Variants in PTPRD observed in about 807,000 individuals in gnomAD.
PTPRD encodes receptor-type tyrosine-protein phosphatase delta.
PTPRD carries 34 observed loss-of-function variants against 214.5 expected under a neutral mutation model. That is an observed-to-expected ratio of 0.16 (90% confidence interval 0.12 to 0.21). PTPRD has a LOEUF of 0.21. Ranked by LOEUF, PTPRD falls within the 10% of genes least tolerant of loss-of-function variation. The pLI is 1.00. For missense variants in PTPRD, 2,545 were observed against 2,398.7 expected, an observed-to-expected ratio of 1.06 and a Z score of -1.27; for synonymous variants, 1,128 against 845.7, an observed-to-expected ratio of 1.33 and a Z score of -5.79.
chr9:8,603,263 G>T (rs1178245137), intron 14 of PTPRD, among the ~76,000 whole-genome samples: 1 of 150,692 alleles, frequency 6.6e-6, no homozygotes, highest in Non-Finnish European at 1.5e-5. Context: ...GGAACTACAA[G>T]GCAATTATTA....
At chr9:9,053,112 C>T (rs1056586543) in intron 10 of PTPRD, among the ~76,000 whole-genome samples, 4 of 152,070 alleles carry the variant, frequency 2.6e-5, no homozygotes, top group Non-Finnish European at 5.9e-5. Flanking sequence ...TAAGCATATT[C>T]ATTTTTGCTT....
At chr9:9,926,324 T>A (rs554100438) in intron 5 of PTPRD, among the ~76,000 whole-genome samples, 2 of 151,860 alleles carry the variant, frequency 1.3e-5, no homozygotes, top group Non-Finnish European at 1.5e-5. Context: ...ACAGGAAAAA[T>A]AGTGGATATT....
chr9:9,412,030 A>C lies in PTPRD; in HGVS notation c.-236-14548T>G, dbSNP rs73399049. On this transcript the variant is annotated intron_variant, in intron 8 of 45. Coordinates refer to ENST00000381196, the MANE Select transcript of PTPRD (RefSeq NM_002839.4). Reference sequence around the variant, plus strand: ...CATGTCTTATGACCACATTCACGGGATCTTTCTGCTATGCCTAGATGTCTG... The same window carrying C: ...CATGTCTTATGACCACATTCACGGGCTCTTTCTGCTATGCCTAGATGTCTG... Among the ~76,000 whole-genome samples, 849 of 152,320 alleles carry C rather than the reference A, an allele frequency of 5.6e-3. 7 individuals carry two copies. The highest frequency in any genetic ancestry group is 0.019 in the African/African-American group (803 of 41,568).
intron 8 of PTPRD, among the ~76,000 whole-genome samples, chr9:9,491,299 A>C (rs2095883783): frequency 1.3e-5 from 2 of 152,012 alleles, no homozygotes; most frequent in South Asian, 4.1e-4. Context: ...AGACATATGA[A>C]ACAAAAACTG....
At chr9:10,069,736 A>T (rs1409349847) in intron 3 of PTPRD, among the ~76,000 whole-genome samples, 1 of 152,040 alleles carries the variant, frequency 6.6e-6, no homozygotes, top group African/African-American at 2.4e-5. Flanking sequence ...TTAGGGAAAA[A>T]ACAGAGATAA....
At chr9:10,254,452 A>AT (rs1002725151) in intron 3 of PTPRD, among the ~76,000 whole-genome samples, 1 of 150,254 alleles carries the variant, frequency 6.7e-6, no homozygotes, top group African/African-American at 2.5e-5. Flanking sequence ...GACTTTATCT[A>AT]TTTTTTCTTG....
At chr9:8,626,397 C>G (rs1054710459) in intron 14 of PTPRD, among the ~76,000 whole-genome samples, 1 of 151,786 alleles carries the variant, frequency 6.6e-6, no homozygotes, top group African/African-American at 2.4e-5. Context: ...ACGTCCCAAC[C>G]TCATTTTCTT....
chr9:9,472,425 G>A (rs932603168), intron 8 of PTPRD, among the ~76,000 whole-genome samples: 38 of 151,432 alleles, frequency 2.5e-4, no homozygotes, highest in African/African-American at 8.5e-4. Flanking sequence ...GGATGGTCTC[G>A]ATCTCCTGAC....
chr9:9,047,669 T>C (rs1569503639), intron 10 of PTPRD, among the ~76,000 whole-genome samples: 1 of 152,120 alleles, frequency 6.6e-6, no homozygotes, highest in Non-Finnish European at 1.5e-5. Flanking sequence ...CTTCAATAAA[T>C]GGTGCTGGGA....
At chr9:10,357,947 C>T (rs2097308153) in intron 2 of PTPRD, among the ~76,000 whole-genome samples, 1 of 152,038 alleles carries the variant, frequency 6.6e-6, no homozygotes, top group Non-Finnish European at 1.5e-5. Context: ...CAAGCTAAAG[C>T]AATATTGACC....
chr9:9,228,445 C>T (rs553003412), intron 9 of PTPRD, among the ~76,000 whole-genome samples: 12 of 152,118 alleles, frequency 7.9e-5, no homozygotes, highest in Admixed American at 2.0e-4. Context: ...ATAATATGCA[C>T]ACATATATGC....
intron 11 of PTPRD, among the ~76,000 whole-genome samples, chr9:8,747,221 C>T (rs913016072): frequency 6.6e-6 from 1 of 152,040 alleles, no homozygotes; most frequent in African/African-American, 2.4e-5. Context: ...AAAAATTGAA[C>T]AGCCACACTT....
At chr9:9,386,968 A>C (rs1319281980) in intron 9 of PTPRD, among the ~76,000 whole-genome samples, 1 of 152,200 alleles carries the variant, frequency 6.6e-6, no homozygotes, top group Non-Finnish European at 1.5e-5. Flanking sequence ...GAATTCCAAG[A>C]ATTTGTGTCC....
chr9:10,152,894 T>C (rs945538262), intron 3 of PTPRD, among the ~76,000 whole-genome samples: 1 of 152,140 alleles, frequency 6.6e-6, no homozygotes, highest in Non-Finnish European at 1.5e-5. Flanking sequence ...AACATTTTAT[T>C]TACTAAGTGA....
At chr9:9,489,411 A>C (rs2095805255) in intron 8 of PTPRD, among the ~76,000 whole-genome samples, 1 of 152,132 alleles carries the variant, frequency 6.6e-6, no homozygotes, top group African/African-American at 2.4e-5. Flanking sequence ...CATTCAAAAG[A>C]AAAAAATAAA....
chr9:9,745,178 G>T (rs974013028), intron 6 of PTPRD, among the ~76,000 whole-genome samples: 1 of 152,042 alleles, frequency 6.6e-6, no homozygotes, highest in African/African-American at 2.4e-5. Context: ...AAGCACTATA[G>T]TTTATCATGT....
At chr9:8,420,877 T>G (rs2094314417) in intron 35 of PTPRD, among the ~76,000 whole-genome samples, 1 of 151,652 alleles carries the variant, frequency 6.6e-6, no homozygotes, top group African/African-American at 2.4e-5. Flanking sequence ...GTGATCAGTA[T>G]TCCCCTGTTG....
chr9:10,448,745 G>T (rs1181099369), intron 2 of PTPRD, among the ~76,000 whole-genome samples: 3 of 151,954 alleles, frequency 2.0e-5, no homozygotes, highest in African/African-American at 7.3e-5. Context: ...AGTGGAAAGA[G>T]TCTTTATCTG....
intron 10 of PTPRD, among the ~76,000 whole-genome samples, chr9:9,039,129 G>C (rs1001920845): frequency 2.0e-5 from 3 of 152,118 alleles, no homozygotes; most frequent in Admixed American, 6.5e-5. Context: ...CTATACACAT[G>C]GATAGCTATA....
Sources: gnomAD v4.1 joint callset for allele counts (sites outside exome capture counted in the v4.1 genomes callset) on GRCh38, gnomAD v4.1.1 for gene constraint, MANE v1.5 for transcripts, NCBI Gene and HGNC (gene_info 2026-07-23, HGNC 2026-07-21) for gene names.